PHF10: variants seen among roughly 807,000 people sequenced by gnomAD.
PHF10 encodes the protein BRG1-associated factor 45a.
In PHF10, 51 loss-of-function variants were observed where a neutral mutation model predicts 68.5. That is an observed-to-expected ratio of 0.74 (90% confidence interval 0.59 to 0.94). The LOEUF is 0.94. Ranked by LOEUF, PHF10 falls within the 40% of genes least tolerant of loss-of-function variation. The probability of loss-of-function intolerance (pLI) is 0.00; values close to 1 mark genes in which losing one functional copy is unlikely to be tolerated. For synonymous variants in PHF10, 204 were observed against 203.5 expected (o/e 1.00, Z -0.02); for missense variants, 460 against 602.6 (o/e 0.76, Z 2.48).
intron 11 of PHF10, 50 bp from the exon 12 acceptor site, chr6:169,704,138 G>A: frequency 2.1e-6 from 3 of 1,396,152 alleles, no homozygotes; most frequent in Non-Finnish European, 2.9e-6. Context: ...TTACAGGACT[G>A]AATTTTAAGC....
At chr6:169,718,282 A>T (rs1171546612) in intron 3 of PHF10, among the ~76,000 whole-genome samples, 1 of 152,186 alleles carries the variant, frequency 6.6e-6, no homozygotes, top group Non-Finnish European at 1.5e-5. Context: ...TTTCCTCAGG[A>T]AATTCACCTT....
In PHF10 at chr6:169,705,134, T is replaced by C; in HGVS notation, c.1410A>G (p.Ser470=). Reference sequence around the variant, plus strand: ...GTTTGCTCTTTTTTTAATCTTTACCTGATGGAATAGCACCAAGGCCCACAC... The same window carrying C: ...GTTTGCTCTTTTTTTAATCTTTACCCGATGGAATAGCACCAAGGCCCACAC... ...TFCVGLGAIP[S]GRWICDCCQR... The change falls in exon 11 of 12, where the codon TCA becomes TCG. Residue 470 remains serine, a splice_region_variant and synonymous_variant. Coordinates refer to ENST00000339209, the MANE Select transcript of PHF10 (RefSeq NM_018288.4). The C allele has an allele frequency of 6.3e-7, 1 of 1,596,752 alleles. No individual in the cohort carries two copies. Among genetic ancestry groups the C allele is most frequent in the East Asian group, 2.2e-5 (1 of 44,646 alleles).
chr6:169,711,942 A>C (rs1046481323), intron 8 of PHF10, among the ~76,000 whole-genome samples: 33 of 151,852 alleles, frequency 2.2e-4, no homozygotes, highest in Admixed American at 2.0e-3. Flanking sequence ...GCTACAAAAA[A>C]AAAAGTCATA....
intron 11 of PHF10, chr6:169,704,380 ACTT>A (rs1353911097): frequency 1.1e-5 from 4 of 357,278 alleles, no homozygotes; most frequent in Non-Finnish European, 2.1e-5. Flanking sequence ...ACACTATCAT[ACTT>A]CAAAAGGTCA....
Position 169,715,794 on chromosome 6 carries a change from C to G in PHF10, c.607G>C (p.Ala203Pro). ...TTAAATTCTGCTGCTTTTTTGGCAG[C>G]TTTCTTAATATACTCAGGCACTTTA... is the stretch of plus-strand genomic sequence containing the variant. ...ASKVPEYIKK[A>P]AKKAAEFNSN... Residue 203 changes from alanine to proline, a missense_variant, in exon 6 of 12, where the codon GCT becomes CCT. Transcript: ENST00000339209. 7 of 1,613,672 alleles carry G rather than the reference C, an allele frequency of 4.3e-6. No individual in the cohort carries two copies. Among genetic ancestry groups the G allele is most frequent in the Non-Finnish European group, 5.1e-6 (6 of 1,179,858 alleles).
chr6:169,723,487 T>C (rs909312838), intron 1 of PHF10, among the ~76,000 whole-genome samples: 2 of 152,228 alleles, frequency 1.3e-5, no homozygotes, highest in African/African-American at 4.8e-5. Context: ...GAATGAACGC[T>C]GAGCGAACGC....
rs770602533 is a variant in PHF10 at position 169,705,613 on chromosome 6, T to TA, written c.1222+2dup. The TA allele has an allele frequency of 1.5e-6, 2 of 1,315,808 alleles. No homozygotes were observed. The highest frequency in any genetic ancestry group is 1.2e-5 in the South Asian group (1 of 84,986). 81.5% of individuals were successfully genotyped at this position (1,315,808 alleles called of 1,614,324 possible). On this transcript the variant is annotated splice_region_variant and intron_variant, in intron 10 of 11. Coordinates refer to ENST00000339209, the MANE Select transcript of PHF10 (RefSeq NM_018288.4). The stretch of plus-strand genomic sequence containing the variant: ...AATTTTAAAAAGACATTTCAATACT[T>TA]ACCACTATTCTCACATTGGGAGCAG...
chr6:169,718,739 A>T, intron 3 of PHF10, 49 bp downstream of exon 3: 1 of 1,066,664 alleles, frequency 9.4e-7, no homozygotes, highest in Non-Finnish European at 1.4e-6. Context: ...ACAGTGTATC[A>T]TAAAGAATTA....
intron 9 of PHF10, 86 bp downstream of exon 9, chr6:169,710,150 G>A: frequency 1.0e-6 from 1 of 984,722 alleles, no homozygotes; most frequent in Non-Finnish European, 1.5e-6. Context: ...GCAGGCAGAA[G>A]CTCCACAATC....
chr6:169,718,388 G>C (rs1413146384), intron 3 of PHF10, among the ~76,000 whole-genome samples: 1 of 152,192 alleles, frequency 6.6e-6, no homozygotes, highest in South Asian at 2.1e-4. Context: ...ACAGCCAGGC[G>C]TGGTGGCTCA....
intron 1 of PHF10, among the ~76,000 whole-genome samples, chr6:169,723,027 C>T (rs1789217166): frequency 6.6e-6 from 1 of 152,250 alleles, no homozygotes; most frequent in Admixed American, 6.5e-5. Context: ...ACGGGAAAAG[C>T]TCCCAAGCAG....
intron 1 of PHF10, 43 bp from the exon 2 acceptor site, chr6:169,721,154 T>C (rs1789167853): frequency 9.2e-7 from 1 of 1,090,334 alleles, no homozygotes; most frequent in Non-Finnish European, 1.4e-6. Flanking sequence ...AGAGAAAGAA[T>C]AAAAGAACAG....
chr6:169,720,339 A>G (rs1312251725), intron 2 of PHF10, among the ~76,000 whole-genome samples: 1 of 152,168 alleles, frequency 6.6e-6, no homozygotes, highest in African/African-American at 2.4e-5. Context: ...CTGAAAACAC[A>G]AACTCTGAAC....
rs749179100 is a variant in PHF10 at position 169,715,840 on chromosome 6, A to G, written c.561T>C (p.Asn187=). The G allele has an allele frequency of 1.8e-5, 29 of 1,611,704 alleles. No homozygotes were observed. The highest frequency in any genetic ancestry group is 2.5e-5 in the Non-Finnish European group (29 of 1,179,174). ...CTTTACTGGCTTCAACTTTCTGAGT[A>G]TTCTGTTGTTGCATTTGCTGGAAAA... ...YKEYSQMQQQ[N]TQKVEASKVP... is the part of the protein sequence containing the mutation. Residue 187 remains asparagine (N), a synonymous_variant, in exon 6 of 12, where the codon AAT becomes AAC. Transcript: ENST00000339209.
rs1284148430 is a variant in PHF10 at position 169,710,254 on chromosome 6, C to T, written c.1095G>A (p.Lys365=). 1 of 1,611,894 alleles carries T rather than the reference C, an allele frequency of 6.2e-7. No individual in the cohort carries two copies. The highest frequency in any genetic ancestry group is 1.7e-5 in the Admixed American group (1 of 59,942). ...CTTCTACCTTGTACCCAGGAACTGA[C>T]TTGGACAGTACAGAACGTTTGGGAC... is the stretch of plus-strand genomic sequence containing the variant. ...KDGPKRSVLS[K]SVPGYKPKVI... is the part of the protein sequence containing the mutation. The change falls in exon 9 of 12, where the codon AAG becomes AAA. Residue 365 remains lysine, a synonymous_variant. Coordinates refer to ENST00000339209, the MANE Select transcript of PHF10 (RefSeq NM_018288.4).
At chr6:169,722,318 G>C (rs1365395532) in intron 1 of PHF10, among the ~76,000 whole-genome samples, 2 of 152,116 alleles carry the variant, frequency 1.3e-5, no homozygotes, top group African/African-American at 2.4e-5. Flanking sequence ...TCTACTCTCT[G>C]AAAATTTGCA....
At chr6:169,723,700 C>G (rs1789242083) in intron 1 of PHF10, 145 bp downstream of exon 1, 1 of 246,006 alleles carries the variant, frequency 4.1e-6, no homozygotes, top group Non-Finnish European at 7.0e-6. Flanking sequence ...CCCCGCCTCG[C>G]CGACCACCCC....
In PHF10 at chr6:169,724,206, G is replaced by C. The variant is rs928087473; in HGVS notation, c.-275C>G. Among the ~76,000 whole-genome samples, 1 of 146,226 alleles carries C rather than the reference G, an allele frequency of 6.8e-6. No individual in the cohort carries two copies. Among genetic ancestry groups the C allele is most frequent in the African/African-American group, 2.5e-5 (1 of 40,632 alleles). On this transcript the variant is annotated 5_prime_UTR_variant, in exon 1 of 12. Coordinates refer to ENST00000339209, the MANE Select transcript of PHF10 (RefSeq NM_018288.4). ...CGCGGGGCTGCGGGCCGGAATGGAG[G>C]AGGCCCAGCGGCGGCGGCGCTTCTC...
rs1301836889 is a variant in PHF10 at position 169,724,014 on chromosome 6, G to GCTT, written c.-84_-83insAAG. On this transcript the variant is annotated 5_prime_UTR_variant, in exon 1 of 12. Coordinates refer to ENST00000339209, the MANE Select transcript of PHF10 (RefSeq NM_018288.4). ...CGCCGCCGCTGCCGCCGCCGCCGCC[G>GCTT]CCGCCGCCGCGCGGGCCCCCCGCCG... 4.7e-6 allele frequency: 1 copy of GCTT among 213,962 alleles called. No homozygotes were observed. The highest frequency in any genetic ancestry group is 7.5e-6 in the Non-Finnish European group (1 of 133,010). The allele number at this position is 213,962 out of a possible 1,614,324, so 13.3% of individuals were successfully genotyped here.
Sources: allele counts gnomAD v4.1 joint callset (sites outside exome capture counted in the v4.1 genomes callset), GRCh38; gene constraint gnomAD v4.1.1; transcripts MANE v1.5; gene names NCBI Gene and HGNC (gene_info 2026-07-23, HGNC 2026-07-21).